Variants in HMGB1 observed in about 807,000 individuals in gnomAD.
HMGB1 encodes the protein high mobility group box 1.
For missense variants in HMGB1, 79 were observed against 253.5 expected, an observed-to-expected ratio of 0.31 and a Z score of 4.67; for synonymous variants, 81 against 84.0, an observed-to-expected ratio of 0.96 and a Z score of 0.19.
chr13:30,587,842 C>G (rs1392266144), intron 1 of HMGB1, among the ~76,000 whole-genome samples: 2 of 152,174 alleles, frequency 1.3e-5, no homozygotes, highest in African/African-American at 4.8e-5. Context: ...AGAGATATTT[C>G]TGAGGAACAA....
chr13:30,595,670 CCTTTGAGGGCTCTGAGGG>C (rs1871575369), intron 1 of HMGB1, among the ~76,000 whole-genome samples: 1 of 152,136 alleles, frequency 6.6e-6, no homozygotes, highest in Admixed American at 6.6e-5. Flanking sequence ...GGACGGCCAT[CCTTTGAGGGCTCTGAGGG>C]CTTTGAGGGC....
chr13:30,574,033 A>G (rs765600166), intron 1 of HMGB1, among the ~76,000 whole-genome samples: 1 of 152,186 alleles, frequency 6.6e-6, no homozygotes, highest in Non-Finnish European at 1.5e-5. Context: ...TCAGACATGC[A>G]AGCTGGGGAT....
intron 1 of HMGB1, among the ~76,000 whole-genome samples, chr13:30,525,483 CTA>C (rs920299130): frequency 6.6e-6 from 1 of 152,128 alleles, no homozygotes; most frequent in African/African-American, 2.4e-5. Flanking sequence ...GGGCTCTGTC[CTA>C]TGACTCTTTA....
intron 1 of HMGB1, among the ~76,000 whole-genome samples, chr13:30,579,216 T>C (rs1009845805): frequency 6.6e-6 from 1 of 152,236 alleles, no homozygotes; most frequent in Non-Finnish European, 1.5e-5. Context: ...TATATCATAC[T>C]GTCATACTAA....
chr13:30,463,991 CTAACTGGT>C, intron 1 of HMGB1: 1 of 522,610 alleles, frequency 1.9e-6, no homozygotes, highest in African/African-American at 2.1e-5. Flanking sequence ...GAATGAGTAT[CTAACTGGT>C]CACTTAAACG....
chr13:30,476,865 CAAA>C (rs35075993), intron 1 of HMGB1, among the ~76,000 whole-genome samples: 8,007 of 135,552 alleles, frequency 0.059, 323 homozygotes, highest in Non-Finnish European at 0.081. Flanking sequence ...GATTCTGTCT[CAAA>C]AAAAAAAAAA....
chr13:30,602,284 C>CCA (rs1281063341), intron 1 of HMGB1, among the ~76,000 whole-genome samples: 1 of 152,148 alleles, frequency 6.6e-6, no homozygotes, highest in Non-Finnish European at 1.5e-5. Context: ...TCCCTGAGGC[C>CCA]CACTTAGACC....
In HMGB1 at chr13:30,559,839, A is replaced by G. The variant is rs1209197704; in HGVS notation, c.-15+56832T>C. Among the ~76,000 whole-genome samples the G allele has an allele frequency of 6.6e-6, 1 of 152,252 alleles. No individual in the cohort carries two copies. The highest frequency in any genetic ancestry group is 2.4e-5 in the African/African-American group (1 of 41,462). ...CAGATTGTGAAAGGGTATGTGACTG[A>G]CAATTATTAAACAATTAAGAGTATG... On this transcript the variant is annotated intron_variant, in intron 1 of 4. Coordinates refer to the HMGB1 transcript ENST00000405805. This position sits in a 1 kb window ranked among gnomAD's most constrained non-coding sequence, Gnocchi z 6.6.
chr13:30,554,137 A>G, intron 1 of HMGB1: 1 of 1,268,048 alleles, frequency 7.9e-7, no homozygotes. Context: ...ATTACACAGT[A>G]CATCTACTAC....
At chr13:30,495,720 C>T (rs780222363) in intron 1 of HMGB1, among the ~76,000 whole-genome samples, 36 of 152,302 alleles carry the variant, frequency 2.4e-4, no homozygotes, top group African/African-American at 3.4e-4. Context: ...CCCTGTGATC[C>T]GCCCGCGTTG....
At chr13:30,478,313 C>A (rs1248688793) in intron 1 of HMGB1, among the ~76,000 whole-genome samples, 3 of 152,028 alleles carry the variant, frequency 2.0e-5, no homozygotes, top group African/African-American at 7.2e-5. Flanking sequence ...TAGACACACT[C>A]CAGCCTGGGG....
intron 1 of HMGB1, among the ~76,000 whole-genome samples, chr13:30,499,428 G>T (rs561870105): frequency 6.6e-6 from 1 of 152,140 alleles, no homozygotes; most frequent in African/African-American, 2.4e-5. Flanking sequence ...AAAGTCTCTC[G>T]ATCATTACTT....
Position 30,497,313 on chromosome 13 carries a change from G to A in HMGB1, c.-14-33619C>T, listed in dbSNP as rs904788225. 1.2e-4 allele frequency among the ~76,000 whole-genome samples: 18 copies of A among 152,008 alleles called. No homozygotes were observed. The East Asian group carries it at 2.7e-3, about 23-fold the overall frequency. On this transcript the variant is annotated intron_variant, in intron 1 of 4. Coordinates refer to the HMGB1 transcript ENST00000405805. The stretch of plus-strand genomic sequence containing the variant: ...GCGATCTCGGCTCACTGCAACCTCC[G>A]CCTTCCGGGTTCAAGCGATTCTCCT...
In HMGB1 at chr13:30,507,614, T is replaced by C. The variant is rs1417400596; in HGVS notation, c.-14-43920A>G. On this transcript the variant is annotated intron_variant, in intron 1 of 4. Transcript: ENST00000405805. Reference sequence around the variant, plus strand: ...AAACTACCCCACCTTGTTTTCCTGATAGCAGAGTAGGCAAATCTCCAGTTC... The same window carrying C: ...AAACTACCCCACCTTGTTTTCCTGACAGCAGAGTAGGCAAATCTCCAGTTC... 5.3e-5 allele frequency among the ~76,000 whole-genome samples: 8 copies of C among 152,350 alleles called. No individual in the cohort carries two copies. The East Asian group carries it at 1.3e-3, about 26-fold the overall frequency.
intron 1 of HMGB1, among the ~76,000 whole-genome samples, chr13:30,475,346 A>G (rs111888850): frequency 1.3e-5 from 2 of 148,948 alleles, no homozygotes; most frequent in Non-Finnish European, 3.0e-5. Context: ...AGCTGGGACT[A>G]CAGGTGCACA....
intron 1 of HMGB1, among the ~76,000 whole-genome samples, chr13:30,530,506 C>T (rs903117256): frequency 6.6e-6 from 1 of 152,144 alleles, no homozygotes; most frequent in Non-Finnish European, 1.5e-5. Flanking sequence ...TACCCTTTGA[C>T]CAATACTAGT....
At chr13:30,596,866 T>C (rs1314660338) in intron 1 of HMGB1, among the ~76,000 whole-genome samples, 1 of 152,252 alleles carries the variant, frequency 6.6e-6, no homozygotes, top group Non-Finnish European at 1.5e-5. Flanking sequence ...TGGAATAGTG[T>C]AACTAGTACA....
chr13:30,486,961 C>T (rs1433255112), intron 1 of HMGB1, among the ~76,000 whole-genome samples: 2 of 152,174 alleles, frequency 1.3e-5, no homozygotes, highest in Non-Finnish European at 2.9e-5. Context: ...GAATAAAAAC[C>T]TCATTTCACC....
In HMGB1 at chr13:30,472,136, G is replaced by T. The variant is rs1027154775; in HGVS notation, c.-14-8442C>A. On this transcript the variant is annotated intron_variant, in intron 1 of 4. Coordinates refer to the HMGB1 transcript ENST00000405805. Reference sequence around the variant, plus strand: ...CTACTAAAAAGACCAAAATGAGTCCGGGTGTGATGGCGCATGCCTGTAGTC... The same window carrying T: ...CTACTAAAAAGACCAAAATGAGTCCTGGTGTGATGGCGCATGCCTGTAGTC... Among the ~76,000 whole-genome samples the T allele has an allele frequency of 2.6e-5, 4 of 152,160 alleles. No individual in the cohort carries two copies. In the South Asian group the frequency reaches 6.2e-4, roughly 24 times the overall value.
Sources: gnomAD v4.1 joint callset for allele counts (sites outside exome capture counted in the v4.1 genomes callset) on GRCh38, gnomAD v4.1.1 for gene constraint, Gnocchi (gnomAD v3.1) non-coding constraint, MANE v1.5 for transcripts, NCBI Gene and HGNC (gene_info 2026-07-23, HGNC 2026-07-21) for gene names.